PHGDH: variants seen among roughly 807,000 people sequenced by gnomAD.
The protein encoded by PHGDH is phosphoglycerate dehydrogenase.
A neutral mutation model predicts 52.6 loss-of-function variants in PHGDH; 50 were observed. The observed-to-expected ratio is 0.95, with a 90% CI of 0.76 to 1.20. PHGDH has a LOEUF of 1.20. Ranked by LOEUF, PHGDH falls within the 50% of genes most tolerant of loss-of-function variation. The pLI is 0.00. For missense variants in PHGDH, 630 were observed against 684.6 expected, an observed-to-expected ratio of 0.92 and a Z score of 0.89; for synonymous variants, 271 against 280.5, an observed-to-expected ratio of 0.97 and a Z score of 0.34.
At chr1:119,734,603 C>T (rs758198444) in intron 5 of PHGDH, 31 bp from the exon 6 acceptor site, 2 of 1,608,882 alleles carry the variant, frequency 1.2e-6, no homozygotes, top group Admixed American at 1.7e-5. Flanking sequence ...TTAAGAATGA[C>T]ACTTCCTCCC....
chr1:119,727,506 G>A (rs1651485675), intron 5 of PHGDH: 3 of 286,248 alleles, frequency 1.0e-5, no homozygotes, highest in African/African-American at 6.6e-5. Context: ...CCTCGGGAGA[G>A]AGAGAATTCA....
At chr1:119,736,037 A>G (rs1246785828) in intron 7 of PHGDH, among the ~76,000 whole-genome samples, 1 of 152,154 alleles carries the variant, frequency 6.6e-6, no homozygotes, top group Non-Finnish European at 1.5e-5. Flanking sequence ...CTCCTGAAAG[A>G]TCCTGTCCCC....
Position 119,735,395 on chromosome 1 carries a change from C to T in PHGDH, c.744C>T (p.Ala248=). The T allele has an allele frequency of 6.2e-7, 1 of 1,614,076 alleles. No individual in the cohort carries two copies. Among genetic ancestry groups the T allele is most frequent in the Non-Finnish European group, 8.5e-7 (1 of 1,180,028 alleles). Residue 248 remains alanine, a synonymous_variant, in exon 7 of 12, where the codon GCC becomes GCT. Coordinates refer to ENST00000641023, the MANE Select transcript of PHGDH (RefSeq NM_006623.4). ...TGGACGAAGGCGCCCTGCTCCGGGC[C>T]CTGCAGTCTGGCCAGTGTGCCGGGG... ...GIVDEGALLR[A]LQSGQCAGAA... is the part of the protein sequence containing the mutation.
chr1:119,737,132 G>A lies in PHGDH; in HGVS notation c.811G>A (p.Ala271Thr). 1.2e-6 allele frequency: 2 copies of A among 1,614,210 alleles called. No homozygotes were observed. The highest frequency in any genetic ancestry group is 1.7e-6 in the Non-Finnish European group (2 of 1,180,022). Reference protein sequence around the residue: ...VFTEEPPRDRALVDHENVISC... With the variant: ...VFTEEPPRDRTLVDHENVISC... ...TGGGCAGGAGCCGCCACGGGACCGG[G>A]CCTTGGTGGACCATGAGAATGTCAT... Residue 271 changes from alanine (A) to threonine (T), a missense_variant, in exon 8 of 12, where the codon GCC becomes ACC. By Grantham distance (58) the Ala-to-Thr change is moderately conservative. Coordinates refer to ENST00000641023, the MANE Select transcript of PHGDH (RefSeq NM_006623.4).
intron 3 of PHGDH, among the ~76,000 whole-genome samples, chr1:119,725,390 A>T (rs879410049): frequency 4.2e-4 from 64 of 152,158 alleles, no homozygotes; most frequent in Non-Finnish European, 8.4e-4. Context: ...AGAAAATAGG[A>T]TGTGAGGGAG....
chr1:119,734,155 C>T (rs1272193720), intron 5 of PHGDH: 2 of 287,276 alleles, frequency 7.0e-6, no homozygotes, highest in East Asian at 8.8e-5. Context: ...CTGCAGCTGC[C>T]ATTTCTCCTT....
intron 5 of PHGDH, among the ~76,000 whole-genome samples, chr1:119,731,205 G>A (rs587704307): frequency 2.0e-5 from 3 of 152,298 alleles, no homozygotes; most frequent in Admixed American, 1.3e-4. Flanking sequence ...CCGGAGCAAG[G>A]GAGGTGACAT....
intron 8 of PHGDH, among the ~76,000 whole-genome samples, chr1:119,737,814 T>C (rs1652013193): frequency 6.6e-6 from 1 of 152,214 alleles, no homozygotes. Context: ...TCCTGGCATG[T>C]GCGTCTCCTA....
intron 1 of PHGDH, chr1:119,712,572 G>A (rs1048560440): frequency 7.5e-6 from 2 of 265,108 alleles, no homozygotes; most frequent in African/African-American, 4.6e-5. Flanking sequence ...GATCGGGAGA[G>A]GGGCCCCAAA....
At chr1:119,717,143 A>G (rs1332570352) in intron 1 of PHGDH, among the ~76,000 whole-genome samples, 1 of 143,426 alleles carries the variant, frequency 7.0e-6, no homozygotes, top group Non-Finnish European at 1.5e-5. Context: ...GAAGCAGGAG[A>G]ATCGCTTGAA....
At chr1:119,719,070 A>G (rs894471570) in intron 1 of PHGDH, among the ~76,000 whole-genome samples, 2 of 152,170 alleles carry the variant, frequency 1.3e-5, no homozygotes, top group African/African-American at 2.4e-5. Context: ...TGTGGAAAAG[A>G]TGCCAGTATC....
At chr1:119,743,474 C>G (rs1652303301) in intron 11 of PHGDH, among the ~76,000 whole-genome samples, 1 of 152,214 alleles carries the variant, frequency 6.6e-6, no homozygotes, top group Non-Finnish European at 1.5e-5. Context: ...CCATGGTAGG[C>G]GTCTTGGACC....
chr1:119,739,217 C>T (rs1290254243), intron 8 of PHGDH, among the ~76,000 whole-genome samples: 3 of 152,158 alleles, frequency 2.0e-5, no homozygotes, highest in Admixed American at 1.3e-4. Flanking sequence ...GACACCTCCC[C>T]GGGCTTGGGC....
At chr1:119,742,564 C>T in intron 10 of PHGDH, 1 of 601,112 alleles carries the variant, frequency 1.7e-6, no homozygotes, top group Admixed American at 2.9e-5. Context: ...TTCCTCCAAG[C>T]CTTCGCCTGT....
chr1:119,733,950 G>A (rs1651816013), intron 5 of PHGDH, among the ~76,000 whole-genome samples: 1 of 152,182 alleles, frequency 6.6e-6, no homozygotes, highest in African/African-American at 2.4e-5. Context: ...CCCAGGTCCA[G>A]GGGAACTGAC....
intron 5 of PHGDH, among the ~76,000 whole-genome samples, chr1:119,732,534 C>G (rs1345326801): frequency 6.6e-6 from 1 of 152,224 alleles, no homozygotes; most frequent in Admixed American, 6.5e-5. Context: ...TTTCCATCCC[C>G]TCAGTGTTGT....
chr1:119,720,985 A>T (rs1651124852), intron 1 of PHGDH, 185 bp from the exon 2 acceptor site: 8 of 660,434 alleles, frequency 1.2e-5, no homozygotes, highest in Non-Finnish European at 2.2e-5. Flanking sequence ...AGTAAAAATC[A>T]GCATGAGTCC....
chr1:119,734,301 G>A, intron 5 of PHGDH: 1 of 373,854 alleles, frequency 2.7e-6, no homozygotes, highest in South Asian at 2.1e-5. Context: ...ATCACAGCAT[G>A]GAGGCAGACG....
At position 119,743,938 on chromosome 1, in the gene PHGDH, G is replaced by C. The variant is rs755921813; in HGVS notation, c.1500G>C (p.Val500=). Residue 500 remains valine, a synonymous_variant, in exon 12 of 12, where the codon GTG becomes GTC. Coordinates refer to ENST00000641023, the MANE Select transcript of PHGDH (RefSeq NM_006623.4). ...TGCTGTCCTACCAGACTTCACTGGT[G>C]TCAGATGGGGAGACCTGGCACGTCA... ...VRLLSYQTSL[V]SDGETWHVMG... 23 of 1,613,234 alleles carry C rather than the reference G, an allele frequency of 1.4e-5. No individual in the cohort carries two copies. The highest frequency in any genetic ancestry group is 1.4e-5 in the Non-Finnish European group (16 of 1,179,278).
Sources: gnomAD v4.1 joint callset for allele counts (sites outside exome capture counted in the v4.1 genomes callset) on GRCh38, gnomAD v4.1.1 for gene constraint, MANE v1.5 for transcripts, NCBI Gene and HGNC (gene_info 2026-07-23, HGNC 2026-07-21) for gene names.